DOK6: variants seen among roughly 807,000 people sequenced by gnomAD.
DOK6 encodes the protein downstream of tyrosine kinase 6.
Under a neutral mutation model 44.0 loss-of-function variants are expected in DOK6, and 22 were observed. The observed-to-expected ratio is 0.50, with a 90% CI of 0.36 to 0.71. The LOEUF (loss-of-function observed/expected upper bound fraction) is 0.71, where lower values mean the gene tolerates loss of function less well. DOK6 is among the 30% of genes least tolerant of loss of function. DOK6 has a pLI of 0.00. For synonymous variants in DOK6, 166 were observed against 145.5 expected (o/e 1.14, Z -1.01); for missense variants, 340 against 416.4 (o/e 0.82, Z 1.60).
chr18:69,539,017 T>C (rs1982196954), intron 1 of DOK6, among the ~76,000 whole-genome samples: 1 of 152,174 alleles, frequency 6.6e-6, no homozygotes, highest in Non-Finnish European at 1.5e-5. Context: ...GGATATGCTC[T>C]TTCAAACATA....
chr18:69,842,423 A>C lies in DOK6; in HGVS notation c.*1040A>C, dbSNP rs1222319631. On this transcript the variant is annotated 3_prime_UTR_variant, in exon 8 of 8. Transcript: ENST00000382713. ...TGAGAGAAAAGAGAGGTTCTAAATG[A>C]AGAACTCTTTAAGAAAGAAAGAATA... 2 of 152,222 alleles carry C rather than the reference A, an allele frequency of 1.3e-5. No homozygotes were observed. Among genetic ancestry groups the C allele is most frequent in the Non-Finnish European group, 2.9e-5 (2 of 68,046 alleles). 9.4% of individuals were successfully genotyped at this position (152,222 alleles called of 1,614,324 possible).
In DOK6 at chr18:69,608,722, C is replaced by T. The variant is rs944662509; in HGVS notation, c.289+9224C>T. On this transcript the variant is annotated intron_variant, in intron 3 of 7. Coordinates refer to ENST00000382713, the MANE Select transcript of DOK6 (RefSeq NM_152721.6). The stretch of plus-strand genomic sequence containing the variant: ...AGCATAGAAATTTGGGAGGCCGAGG[C>T]GGGTGGATCATGAAGTCAGGAATTC... 3.3e-5 allele frequency among the ~76,000 whole-genome samples: 5 copies of T among 151,816 alleles called. No individual in the cohort carries two copies. The South Asian group carries it at 8.3e-4, about 25-fold the overall frequency.
At chr18:69,824,300 G>GT (rs1188902722) in intron 7 of DOK6, among the ~76,000 whole-genome samples, 2 of 146,350 alleles carry the variant, frequency 1.4e-5, no homozygotes, top group African/African-American at 5.1e-5. Context: ...GCGGTGTTTG[G>GT]TTTTTTGTCC....
intron 7 of DOK6, among the ~76,000 whole-genome samples, chr18:69,766,617 A>G (rs945175467): frequency 6.6e-6 from 1 of 152,174 alleles, no homozygotes; most frequent in Non-Finnish European, 1.5e-5. Context: ...AGAGGAGAAT[A>G]TATATTTAGT....
chr18:69,806,477 T>G (rs574807952), intron 7 of DOK6, among the ~76,000 whole-genome samples: 3 of 151,984 alleles, frequency 2.0e-5, no homozygotes, highest in Non-Finnish European at 4.4e-5. Context: ...GAGCTTACCC[T>G]GTATGTATTA....
At chr18:69,805,125 T>G (rs995231478) in intron 7 of DOK6, among the ~76,000 whole-genome samples, 5 of 152,150 alleles carry the variant, frequency 3.3e-5, no homozygotes, top group African/African-American at 1.2e-4. Flanking sequence ...GTGATTAGTA[T>G]GATTAAGAGC....
intron 7 of DOK6, among the ~76,000 whole-genome samples, chr18:69,840,398 G>A (rs1982180704): frequency 6.6e-6 from 1 of 152,220 alleles, no homozygotes; most frequent in African/African-American, 2.4e-5. Flanking sequence ...TAAAAAGGAT[G>A]AGGGGGAAAA....
At chr18:69,659,995 A>C (rs1207625406) in intron 3 of DOK6, 3 of 147,538 alleles carry the variant, frequency 2.0e-5, no homozygotes, top group African/African-American at 5.0e-5. Flanking sequence ...GAAAATCACA[A>C]ACCTAGTCAC....
At chr18:69,794,244 T>G (rs1809173600) in intron 7 of DOK6, among the ~76,000 whole-genome samples, 2 of 152,188 alleles carry the variant, frequency 1.3e-5, no homozygotes, top group African/African-American at 2.4e-5. Context: ...TACATAATTC[T>G]ATCAAATACT....
At chr18:69,560,316 G>T (rs536602953) in intron 1 of DOK6, among the ~76,000 whole-genome samples, 1 of 152,230 alleles carries the variant, frequency 6.6e-6, no homozygotes, top group South Asian at 2.1e-4. Context: ...TTTCACTAAA[G>T]ACTGAGTGAA....
At chr18:69,811,106 C>T (rs1030480165) in intron 7 of DOK6, among the ~76,000 whole-genome samples, 1 of 151,820 alleles carries the variant, frequency 6.6e-6, no homozygotes, top group African/African-American at 2.4e-5. Context: ...TACACACAAA[C>T]AAGTAGAGTA....
chr18:69,538,710 C>T (rs1982187372), intron 1 of DOK6, among the ~76,000 whole-genome samples: 1 of 152,046 alleles, frequency 6.6e-6, no homozygotes, highest in African/African-American at 2.4e-5. Context: ...CTTTCTATTC[C>T]CACTGCCTTG....
intron 5 of DOK6, among the ~76,000 whole-genome samples, chr18:69,714,706 TA>T (rs1986842510): frequency 6.6e-6 from 1 of 152,198 alleles, no homozygotes; most frequent in East Asian, 1.9e-4. Flanking sequence ...CCAATTGGTA[TA>T]AAAAGAATTT....
intron 3 of DOK6, among the ~76,000 whole-genome samples, chr18:69,672,707 A>G (rs866300076): frequency 0.032 from 2,320 of 73,582 alleles, 53 homozygotes; most frequent in African/African-American, 0.1. Flanking sequence ...AAAAAAAAAA[A>G]GGGGGGGGTG....
intron 7 of DOK6, among the ~76,000 whole-genome samples, chr18:69,761,821 T>C (rs570694388): frequency 6.6e-6 from 1 of 152,266 alleles, no homozygotes; most frequent in Non-Finnish European, 1.5e-5. Context: ...ATCTGAGTCA[T>C]GTGGACCAAA....
chr18:69,656,340 A>G (rs971127791), intron 3 of DOK6, among the ~76,000 whole-genome samples: 1 of 152,360 alleles, frequency 6.6e-6, no homozygotes, highest in African/African-American at 2.4e-5. Context: ...CATATTCTTT[A>G]GGAAGAGGAA....
At chr18:69,539,210 C>G (rs1219007352) in intron 1 of DOK6, among the ~76,000 whole-genome samples, 1 of 152,114 alleles carries the variant, frequency 6.6e-6, no homozygotes, top group South Asian at 2.1e-4. Context: ...AAAAACAACA[C>G]CTCACATACC....
At chr18:69,507,317 G>A (rs1045672285) in intron 1 of DOK6, among the ~76,000 whole-genome samples, 19 of 152,062 alleles carry the variant, frequency 1.2e-4, no homozygotes, top group Non-Finnish European at 2.2e-4. Context: ...GTGAGCCACC[G>A]TGCCCAGCCG....
intron 7 of DOK6, among the ~76,000 whole-genome samples, chr18:69,795,684 G>A (rs1305421868): frequency 2.0e-5 from 3 of 152,134 alleles, no homozygotes; most frequent in Admixed American, 6.6e-5. Context: ...AATAAAGTTC[G>A]TTCATGATAC....
Sources: allele counts gnomAD v4.1 joint callset (sites outside exome capture counted in the v4.1 genomes callset), GRCh38; gene constraint gnomAD v4.1.1; transcripts MANE v1.5; gene names NCBI Gene and HGNC (gene_info 2026-07-23, HGNC 2026-07-21).